Variants in CTNNA2 observed in about 807,000 individuals in gnomAD.
The protein encoded by CTNNA2 is catenin alpha 2.
A neutral mutation model predicts 101.0 loss-of-function variants in CTNNA2; 42 were observed. The observed-to-expected ratio is 0.42, with a 90% CI of 0.32 to 0.54. The LOEUF (loss-of-function observed/expected upper bound fraction) is 0.54. Among genes scored for constraint, CTNNA2 ranks in the 20% least tolerant of loss-of-function variants. The pLI, the probability that CTNNA2 is intolerant of heterozygous loss-of-function variation, is 0.14. For missense variants in CTNNA2, 871 were observed against 1,223.1 expected (o/e 0.71, Z 4.29); for synonymous variants, 450 against 456.4 (o/e 0.99, Z 0.18).
chr2:79,942,868 C>T (rs1218689520), intron 7 of CTNNA2, among the ~76,000 whole-genome samples: 1 of 152,152 alleles, frequency 6.6e-6, no homozygotes, highest in African/African-American at 2.4e-5. Flanking sequence ...GTCCACTTGA[C>T]ACATTGACAA....
intron 9 of CTNNA2, among the ~76,000 whole-genome samples, chr2:80,449,830 G>A (rs1228932776): frequency 6.6e-6 from 1 of 152,072 alleles, no homozygotes; most frequent in Non-Finnish European, 1.5e-5. Context: ...CAAGTACAAG[G>A]GTGTCAGTTT....
At chr2:79,188,039 G>A (rs890132588) in intron 1 of CTNNA2, among the ~76,000 whole-genome samples, 3 of 152,098 alleles carry the variant, frequency 2.0e-5, no homozygotes, top group African/African-American at 4.8e-5. Flanking sequence ...TAATTTCTGA[G>A]TCCAAAAGAG....
At chr2:79,871,161 A>C (rs1574186208) in intron 5 of CTNNA2, among the ~76,000 whole-genome samples, 1 of 152,284 alleles carries the variant, frequency 6.6e-6, no homozygotes, top group African/African-American at 2.4e-5. Context: ...TAGTTTCTCT[A>C]ACTTTCTCTC....
intron 7 of CTNNA2, among the ~76,000 whole-genome samples, chr2:80,311,963 C>T (rs1677632176): frequency 6.6e-6 from 1 of 152,166 alleles, no homozygotes; most frequent in South Asian, 2.1e-4. Context: ...GTGCAGGAAC[C>T]TGTTTTATGT....
In CTNNA2 at chr2:80,555,741, A is replaced by T; in HGVS notation, c.1589A>T (p.Glu530Val). Residue 530 changes from glutamate (E) to valine (V), a missense_variant, in exon 12 of 19, where the codon GAG becomes GTG. Physicochemically the swap from Glu to Val is moderately radical, Grantham distance 121. Around this residue, in one of 5 missense-constraint regions of CTNNA2, gnomAD observed 647 missense variants for 831.5 expected, o/e 0.78. Coordinates refer to ENST00000402739, the MANE Select transcript of CTNNA2 (RefSeq NM_001282597.3). ...AACAAGTGTGTGATAGCCCTCCAAG[A>T]GGGCGATGTGGACACTCTGGACCGG... is the stretch of plus-strand genomic sequence containing the variant. ...DVNKCVIALQ[E>V]GDVDTLDRTA... is the part of the protein sequence containing the mutation. 1 of 1,580,220 alleles carries T rather than the reference A, an allele frequency of 6.3e-7. No individual in the cohort carries two copies. The highest frequency in any genetic ancestry group is 2.3e-5 in the East Asian group (1 of 43,632).
At chr2:80,069,809 C>T (rs1698213579) in intron 7 of CTNNA2, among the ~76,000 whole-genome samples, 1 of 151,564 alleles carries the variant, frequency 6.6e-6, no homozygotes, top group African/African-American at 2.4e-5. Context: ...TTATAGCTAC[C>T]TTCTTCTACT....
At chr2:80,148,458 A>C (rs1703488680) in intron 7 of CTNNA2, among the ~76,000 whole-genome samples, 1 of 152,242 alleles carries the variant, frequency 6.6e-6, no homozygotes, top group Admixed American at 6.5e-5. Flanking sequence ...AGCTGCCTAA[A>C]GGCCTCTAGG....
chr2:79,973,094 T>C (rs1168930902), intron 7 of CTNNA2, among the ~76,000 whole-genome samples: 2 of 152,166 alleles, frequency 1.3e-5, no homozygotes, highest in Non-Finnish European at 2.9e-5. Context: ...TTTTTTTTAA[T>C]TGCCCTGAAA....
chr2:79,257,464 G>A (rs1674862625), intron 2 of CTNNA2, among the ~76,000 whole-genome samples: 1 of 149,974 alleles, frequency 6.7e-6, no homozygotes, highest in East Asian at 2.0e-4. Context: ...TGCCCTAAAT[G>A]ACAAGCAATG....
At chr2:80,584,735 G>T (rs1695828504) in intron 14 of CTNNA2, among the ~76,000 whole-genome samples, 1 of 151,998 alleles carries the variant, frequency 6.6e-6, no homozygotes, top group Admixed American at 6.6e-5. Context: ...TACCACATAA[G>T]GTCGTAGGGA....
Position 79,814,236 on chromosome 2 carries a change from TA to T in CTNNA2, c.299-43776del, listed in dbSNP as rs143171379. Among the ~76,000 whole-genome samples the T allele has an allele frequency of 9.9e-3, 1,510 of 152,276 alleles. 47 individuals carry two copies. Among genetic ancestry groups the T allele is most frequent in the East Asian group, 0.096 (495 of 5,174 alleles). ...TGAACCCATAAGAATTTTTCAAAAA[TA>T]TTTTTTACTTTTTTGTAGGTTATTG... On this transcript the variant is annotated intron_variant, in intron 3 of 18. Transcript: ENST00000402739.
chr2:80,077,315 T>A (rs995800841), intron 7 of CTNNA2, among the ~76,000 whole-genome samples: 2 of 152,214 alleles, frequency 1.3e-5, no homozygotes, highest in African/African-American at 2.4e-5. Context: ...GAATGAATTA[T>A]ACATTAATTG....
intron 4 of CTNNA2, among the ~76,000 whole-genome samples, chr2:79,396,145 G>A (rs570373369): frequency 8.6e-4 from 131 of 152,112 alleles, no homozygotes; most frequent in Middle Eastern, 3.4e-3. Flanking sequence ...CCCTTAGTGA[G>A]TTCAATATAT....
chr2:80,225,574 G>T (rs905367780), intron 7 of CTNNA2, among the ~76,000 whole-genome samples: 14 of 152,024 alleles, frequency 9.2e-5, no homozygotes, highest in African/African-American at 3.4e-4. Context: ...AATTTTTTTT[G>T]AAAACATTCT....
At chr2:79,970,808 TA>T (rs78449048) in intron 7 of CTNNA2, among the ~76,000 whole-genome samples, 29,637 of 151,932 alleles carry the variant, frequency 0.2, 2,930 homozygotes, top group East Asian at 0.23. Flanking sequence ...TGTAAACGTC[TA>T]AAAAAATTGA....
intron 4 of CTNNA2, among the ~76,000 whole-genome samples, chr2:79,440,497 G>A (rs947161397): frequency 6.6e-6 from 1 of 152,126 alleles, no homozygotes; most frequent in Non-Finnish European, 1.5e-5. Context: ...AACAGAAATA[G>A]ATATGCTATG....
At chr2:79,556,085 G>A (rs183293560) in intron 1 of CTNNA2, among the ~76,000 whole-genome samples, 23 of 151,376 alleles carry the variant, frequency 1.5e-4, no homozygotes, top group African/African-American at 5.6e-4. Flanking sequence ...TTTTATGATT[G>A]AGTAATATAT....
At chr2:79,843,884 T>TA (rs991758064) in intron 3 of CTNNA2, among the ~76,000 whole-genome samples, 7 of 151,248 alleles carry the variant, frequency 4.6e-5, no homozygotes, top group African/African-American at 9.8e-5. Context: ...AGTGTTTGCT[T>TA]AAAAAAAAAT....
chr2:79,382,210 A>ACTCCTAGTACTCAGT (rs1428962815), intron 4 of CTNNA2, among the ~76,000 whole-genome samples: 1 of 151,720 alleles, frequency 6.6e-6, no homozygotes. Flanking sequence ...AGGCCTTCAG[A>ACTCCTAGTACTCAGT]CTCAGACTGA....
Sources: allele counts gnomAD v4.1 joint callset (sites outside exome capture counted in the v4.1 genomes callset), GRCh38; gene constraint gnomAD v4.1.1; regional missense constraint gnomAD v4.1.1; transcripts MANE v1.5; gene names NCBI Gene and HGNC (gene_info 2026-07-23, HGNC 2026-07-21).